TRIO: variants seen among roughly 807,000 people sequenced by gnomAD.
TRIO encodes the protein triple functional domain protein.
Under a neutral mutation model 351.9 loss-of-function variants are expected in TRIO, and 58 were observed. That is an observed-to-expected ratio of 0.16 (90% confidence interval 0.13 to 0.21). The LOEUF (loss-of-function observed/expected upper bound fraction) is 0.21. Ranked by LOEUF, TRIO falls within the 10% of genes least tolerant of loss-of-function variation. The pLI, the probability that TRIO is intolerant of heterozygous loss-of-function variation, is 1.00. For missense variants in TRIO, 3,201 were observed against 4,027.8 expected (o/e 0.79, Z 5.56); for synonymous variants, 1,758 against 1,595.7 (o/e 1.10, Z -2.42).
In TRIO at chr5:14,291,103, A is replaced by C; in HGVS notation, c.928A>C (p.Lys310Gln). 6.2e-7 allele frequency: 1 copy of C among 1,614,192 alleles called. No homozygotes were observed. Residue 310 changes from lysine (K) to glutamine (Q), a missense_variant, in exon 5 of 57, where the codon AAG becomes CAG. Lys to Gln is a moderately conservative substitution (Grantham distance 53). This residue lies in a region of TRIO where 349 missense variants were observed against 449.3 expected (regional missense o/e 0.78). Transcript: ENST00000344204. ...TGCGGACCTGCAGAACCTCTTGCCC[A>C]AGGTGTCCACCATGCTGGACCGGCT... is the stretch of plus-strand genomic sequence containing the variant. Reference protein sequence around the residue: ...GNADLQNLLPKVSTMLDRLHS... With the variant: ...GNADLQNLLPQVSTMLDRLHS...
chr5:14,495,924 C>T (rs769052484), intron 49 of TRIO, among the ~76,000 whole-genome samples: 2 of 152,158 alleles, frequency 1.3e-5, no homozygotes, highest in South Asian at 2.1e-4. Context: ...GCCGAGTTCG[C>T]GCCACTGCAC....
chr5:14,442,146 G>C (rs1368997512), intron 34 of TRIO, among the ~76,000 whole-genome samples: 1 of 152,190 alleles, frequency 6.6e-6, no homozygotes, highest in African/African-American at 2.4e-5. Flanking sequence ...TCTCTCACAG[G>C]GTGCCACCTG....
chr5:14,460,593 T>C (rs1045622045), intron 34 of TRIO, among the ~76,000 whole-genome samples: 1 of 152,282 alleles, frequency 6.6e-6, no homozygotes, highest in African/African-American at 2.4e-5. Context: ...TAGCTAAAAC[T>C]TCTCAAAATT....
chr5:14,351,655 C>T (rs926009741), intron 11 of TRIO, among the ~76,000 whole-genome samples: 14 of 152,224 alleles, frequency 9.2e-5, no homozygotes, highest in Admixed American at 5.2e-4. Flanking sequence ...TCATTACATA[C>T]AGGAGAAAAC....
chr5:14,474,450 A>ATGTG (rs1754901648), intron 40 of TRIO, among the ~76,000 whole-genome samples: 2 of 152,114 alleles, frequency 1.3e-5, no homozygotes, highest in Admixed American at 1.3e-4. Context: ...CCACATTATA[A>ATGTG]TGTGGGTTTT....
intron 1 of TRIO, among the ~76,000 whole-genome samples, chr5:14,182,857 T>C (rs1581294613): frequency 1.3e-5 from 1 of 76,652 alleles, no homozygotes; most frequent in Non-Finnish European, 2.9e-5. Context: ...CCAAATACAG[T>C]GGAGACCCCC....
intron 32 of TRIO, chr5:14,406,292 G>C (rs1448033487): frequency 1.1e-5 from 6 of 557,600 alleles, no homozygotes; most frequent in Non-Finnish European, 1.9e-5. Context: ...AAGTTATAAA[G>C]CATCGAGATG....
At position 14,497,735 on chromosome 5, in the gene TRIO, A is replaced by G. The variant is rs1222460874; in HGVS notation, c.8020-112A>G. The G allele has an allele frequency of 7.2e-6, 10 of 1,390,434 alleles. No homozygotes were observed. The highest frequency in any genetic ancestry group is 1.0e-5 in the Non-Finnish European group (10 of 980,022). The allele number at this position is 1,390,434 out of a possible 1,614,324, so 86.1% of individuals were successfully genotyped here. A position where few individuals can be genotyped will look rare whatever the true frequency, so the allele number is the denominator to read the frequency against. On this transcript the variant is annotated intron_variant, in intron 50 of 56. Coordinates refer to ENST00000344204, the MANE Select transcript of TRIO (RefSeq NM_007118.4). The surrounding 1 kb of genome is among the most constrained non-coding windows in gnomAD (Gnocchi z 4.4). The stretch of plus-strand genomic sequence containing the variant: ...ATGTGGTCTGTTTTGATTGATGCCC[A>G]GGCAAGTCAGTTTCTGCAAATCTTT...
chr5:14,502,335 T>TA (rs1187402051), intron 53 of TRIO, among the ~76,000 whole-genome samples: 2 of 152,252 alleles, frequency 1.3e-5, no homozygotes, highest in Non-Finnish European at 2.9e-5. Context: ...TCCAAAGTAT[T>TA]AGATTTCAAC....
At chr5:14,425,207 C>T (rs2152393464) in intron 34 of TRIO, among the ~76,000 whole-genome samples, 1 of 152,294 alleles carries the variant, frequency 6.6e-6, no homozygotes, top group South Asian at 2.1e-4. Flanking sequence ...AACCTCTGTG[C>T]CCATGGAACA....
Position 14,502,739 on chromosome 5 carries a change from C to T in TRIO, c.8411+82C>T. The stretch of plus-strand genomic sequence containing the variant: ...CAGAGAGTGCAGGGATAAAGCTAAG[C>T]AGTGTTATCTTGCCAGCAATTGGAA... On this transcript the variant is annotated intron_variant, in intron 54 of 56. Coordinates refer to ENST00000344204, the MANE Select transcript of TRIO (RefSeq NM_007118.4). 4 of 1,355,456 alleles carry T rather than the reference C, an allele frequency of 3.0e-6. No individual in the cohort carries two copies. In the South Asian group the frequency reaches 4.8e-5, roughly 16 times the overall value. The allele number at this position is 1,355,456 out of a possible 1,614,324, so 84.0% of individuals were successfully genotyped here.
intron 1 of TRIO, among the ~76,000 whole-genome samples, chr5:14,172,827 CAT>C (rs1394500202): frequency 1.1e-4 from 16 of 152,318 alleles, no homozygotes; most frequent in African/African-American, 3.6e-4. Context: ...TACAGAATAA[CAT>C]AGGTGCTATC....
chr5:14,449,937 T>C (rs979766383), intron 34 of TRIO, among the ~76,000 whole-genome samples: 2 of 152,228 alleles, frequency 1.3e-5, no homozygotes, highest in African/African-American at 4.8e-5. Flanking sequence ...ACCTTTAAAA[T>C]GAAATGGTTT....
intron 1 of TRIO, among the ~76,000 whole-genome samples, chr5:14,194,880 T>C (rs1790678362): frequency 1.3e-5 from 2 of 152,238 alleles, no homozygotes; most frequent in African/African-American, 4.8e-5. Context: ...TGTTAATATT[T>C]TGCCGTTTGT....
At position 14,280,361 on chromosome 5, in the gene TRIO, C is replaced by G. The variant is rs767063550; in HGVS notation, c.272C>G (p.Pro91Arg). The G allele has an allele frequency of 2.5e-6, 4 of 1,613,900 alleles. No individual in the cohort carries two copies. The highest frequency in any genetic ancestry group is 3.4e-6 in the Non-Finnish European group (4 of 1,180,000). Reference protein sequence around the residue: ...DKRGGPILTFPARSNHDRIRQ... With the variant: ...DKRGGPILTFRARSNHDRIRQ... ...CGTGGAGGTCCCATTTTAACGTTTCCGGCCCGCAGCAATCATGACAGAATA... is the reference window on the plus strand; with the variant it reads ...CGTGGAGGTCCCATTTTAACGTTTCGGGCCCGCAGCAATCATGACAGAATA... The change falls in exon 3 of 57, where the codon CCG (proline) becomes CGG (arginine). Residue 91 changes from proline to arginine, a missense_variant. Transcript: ENST00000344204.
At chr5:14,327,463 C>T (rs1039421446) in intron 9 of TRIO, among the ~76,000 whole-genome samples, 2 of 152,148 alleles carry the variant, frequency 1.3e-5, no homozygotes, top group Non-Finnish European at 2.9e-5. Flanking sequence ...CGCGCCTGGC[C>T]AGAAACAAAT....
chr5:14,269,060 A>AT (rs1160211364), intron 1 of TRIO, among the ~76,000 whole-genome samples: 2 of 152,190 alleles, frequency 1.3e-5, no homozygotes, highest in Admixed American at 6.5e-5. Context: ...AGCATGGTGC[A>AT]TTGGAAAGGA....
intron 34 of TRIO, among the ~76,000 whole-genome samples, chr5:14,443,337 G>A (rs1312352045): frequency 1.3e-5 from 2 of 152,146 alleles, no homozygotes; most frequent in East Asian, 1.9e-4. Context: ...GCGTGTGTGT[G>A]TAGAAAGTGC....
chr5:14,388,824 C>T lies in TRIO; in HGVS notation c.3948+145C>T, dbSNP rs559161326. 765 of 954,888 alleles carry T rather than the reference C, an allele frequency of 8.0e-4. 2 individuals are homozygous for T. Among genetic ancestry groups the T allele is most frequent in the Non-Finnish European group, 1.0e-3 (679 of 659,022 alleles). 59.2% of individuals were successfully genotyped at this position (954,888 alleles called of 1,614,324 possible). On this transcript the variant is annotated intron_variant, in intron 24 of 56. Coordinates refer to ENST00000344204, the MANE Select transcript of TRIO (RefSeq NM_007118.4). ...TAAATGTAAAGTATGCTTCAGCAGC[C>T]GGTTTCATGTTTCTGCACTTCTGTA...
Sources: allele counts gnomAD v4.1 joint callset (sites outside exome capture counted in the v4.1 genomes callset), GRCh38; gene constraint gnomAD v4.1.1; regional missense constraint gnomAD v4.1.1; non-coding constraint Gnocchi (gnomAD v3.1); transcripts MANE v1.5; gene names NCBI Gene and HGNC (gene_info 2026-07-23, HGNC 2026-07-21).